Variants in C10orf143 observed in about 807,000 individuals in gnomAD.
C10orf143 encodes the protein uncharacterized protein C10orf143.
At chr10:130,054,337 C>A (rs1860772747) in intron 3 of C10orf143, among the ~76,000 whole-genome samples, 1 of 152,158 alleles carries the variant, frequency 6.6e-6, no homozygotes, top group East Asian at 1.9e-4. Context: ...TCCATGTTGT[C>A]ACATAGGACA....
chr10:130,107,736 T>C lies in C10orf143; in HGVS notation c.69+2968A>G, dbSNP rs1861680928. The C allele has an allele frequency of 8.1e-6, 10 of 1,240,828 alleles. No individual in the cohort carries two copies. In the East Asian group the frequency reaches 2.4e-4, roughly 29 times the overall value. 76.9% of individuals were successfully genotyped at this position (1,240,828 alleles called of 1,614,324 possible). On this transcript the variant is annotated intron_variant, in intron 1 of 3. Coordinates refer to ENST00000637128, the MANE Select transcript of C10orf143 (RefSeq NM_001355042.2). ...GGCTCAAGAGGCCCAGGGAATCCTC[T>C]GGACCATCAGATTACCAAGGAAAGA...
At chr10:130,077,955 A>T (rs1410092274) in intron 3 of C10orf143, among the ~76,000 whole-genome samples, 2 of 152,240 alleles carry the variant, frequency 1.3e-5, no homozygotes, top group African/African-American at 2.4e-5. Context: ...ATTGAGAATA[A>T]CTACAAATAA....
At chr10:130,055,344 C>T (rs1004152060) in intron 3 of C10orf143, among the ~76,000 whole-genome samples, 11 of 152,114 alleles carry the variant, frequency 7.2e-5, no homozygotes, top group Non-Finnish European at 1.6e-4. Flanking sequence ...AAAATATTTG[C>T]AAACCACATA....
intron 1 of C10orf143, chr10:130,106,404 C>T (rs1311115820): frequency 1.9e-6 from 3 of 1,602,642 alleles, no homozygotes; most frequent in South Asian, 1.1e-5. Context: ...TTTGAGAAGG[C>T]GGCAGCAGAA....
rs181841939 is a variant in C10orf143 at position 130,049,773 on chromosome 10, G to A, written c.298-13803C>T. 2.3e-3 allele frequency among the ~76,000 whole-genome samples: 343 copies of A among 152,318 alleles called. 2 individuals carry two copies. Among genetic ancestry groups the A allele is most frequent in the African/African-American group, 8.1e-3 (336 of 41,570 alleles). On this transcript the variant is annotated intron_variant and NMD_transcript_variant, in intron 3 of 5. Coordinates refer to the C10orf143 transcript ENST00000643056. ...CTGAGGGAGACCATTCCACCGGCAG[G>A]ACTGAGTCTGGGTTTTTAGAATTGG...
chr10:130,044,533 G>T (rs775450717), intron 3 of C10orf143, among the ~76,000 whole-genome samples: 2 of 152,206 alleles, frequency 1.3e-5, no homozygotes, highest in African/African-American at 2.4e-5. Context: ...GAGGAAGGGG[G>T]TTTCATTGAG....
At chr10:130,053,293 T>C (rs1860757204) in intron 3 of C10orf143, among the ~76,000 whole-genome samples, 1 of 152,220 alleles carries the variant, frequency 6.6e-6, no homozygotes, top group Non-Finnish European at 1.5e-5. Context: ...TCTCCTGATA[T>C]ATCACATGAC....
At position 130,041,968 on chromosome 10, in the gene C10orf143, C is replaced by T. The variant is rs187712279; in HGVS notation, c.298-5998G>A. Among the ~76,000 whole-genome samples the T allele has an allele frequency of 1.1e-4, 17 of 152,308 alleles. No homozygotes were observed. In the East Asian group the frequency reaches 3.3e-3, roughly 29 times the overall value. On this transcript the variant is annotated intron_variant and NMD_transcript_variant, in intron 3 of 5. Coordinates refer to the C10orf143 transcript ENST00000643056. ...AACCACATATGTACATGCCCATGCACACCCTAAGCACACATTCACATGCAC... is the reference window on the plus strand; with the variant it reads ...AACCACATATGTACATGCCCATGCATACCCTAAGCACACATTCACATGCAC...
chr10:130,069,616 AT>A (rs34094262), intron 3 of C10orf143, among the ~76,000 whole-genome samples: 95,586 of 151,276 alleles, frequency 0.63, 30,531 homozygotes, highest in Admixed American at 0.72. Flanking sequence ...TTTCTGGAAA[AT>A]TTTTTTTTTA....
rs947324715 is a variant in C10orf143 at position 130,065,020 on chromosome 10, A to T, written c.298-637T>A. The T allele has an allele frequency of 5.9e-5, 9 of 152,354 alleles. No individual in the cohort carries two copies. Among genetic ancestry groups the T allele is most frequent in the African/African-American group, 1.9e-4 (8 of 41,492 alleles). The allele number at this position is 152,354 out of a possible 1,614,324, so 9.4% of individuals were successfully genotyped here. A position where few individuals can be genotyped will look rare whatever the true frequency, so the allele number is the denominator to read the frequency against. On this transcript the variant is annotated intron_variant, in intron 3 of 3. Transcript: ENST00000637128. This position sits in a 1 kb window ranked among gnomAD's most constrained non-coding sequence, Gnocchi z 4.2. ...ATAGCAGCGTGGCACTCTGGCCCACAGGCAGAGACAGGCACAGCCTCCCTG... is the reference window on the plus strand; with the variant it reads ...ATAGCAGCGTGGCACTCTGGCCCACTGGCAGAGACAGGCACAGCCTCCCTG...
At chr10:130,099,832 TA>T (rs1861519010) in intron 1 of C10orf143, among the ~76,000 whole-genome samples, 1 of 143,794 alleles carries the variant, frequency 7.0e-6, no homozygotes, top group Non-Finnish European at 1.5e-5. Flanking sequence ...AAATTTTTTT[TA>T]TTTTTTCTTT....
At chr10:130,072,605 C>T (rs1051109756) in intron 3 of C10orf143, among the ~76,000 whole-genome samples, 1 of 151,766 alleles carries the variant, frequency 6.6e-6, no homozygotes, top group Non-Finnish European at 1.5e-5. Context: ...AATTTTTTTT[C>T]AAACTGTCTT....
At chr10:130,043,897 GC>G (rs915605912) in intron 3 of C10orf143, among the ~76,000 whole-genome samples, 6 of 152,220 alleles carry the variant, frequency 3.9e-5, no homozygotes, top group African/African-American at 1.4e-4. Flanking sequence ...ATGATGGGAG[GC>G]TTTTTAGTTT....
intron 3 of C10orf143, among the ~76,000 whole-genome samples, chr10:130,050,720 C>T (rs1387318659): frequency 6.6e-6 from 1 of 152,206 alleles, no homozygotes; most frequent in African/African-American, 2.4e-5. Context: ...CATGCATTCT[C>T]TCTCAGATGC....
downstream of C10orf143, among the ~76,000 whole-genome samples, chr10:130,061,489 A>T (rs1197521320): frequency 6.6e-6 from 1 of 152,242 alleles, no homozygotes; most frequent in Non-Finnish European, 1.5e-5. Flanking sequence ...AAACCATTAC[A>T]AACTTACTTT....
intron 3 of C10orf143, among the ~76,000 whole-genome samples, chr10:130,070,635 A>G (rs932553937): frequency 6.6e-6 from 1 of 152,206 alleles, no homozygotes; most frequent in African/African-American, 2.4e-5. Context: ...CTCAGTAGAA[A>G]TAACGCCCTT....
At chr10:130,084,079 G>C (rs1021032193) in intron 1 of C10orf143, among the ~76,000 whole-genome samples, 1 of 152,172 alleles carries the variant, frequency 6.6e-6, no homozygotes, top group Non-Finnish European at 1.5e-5. Flanking sequence ...GGGAGGCCAA[G>C]GTGGGCAGAT....
At chr10:130,087,203 G>A (rs147911164) in intron 1 of C10orf143, among the ~76,000 whole-genome samples, 111 of 152,342 alleles carry the variant, frequency 7.3e-4, no homozygotes, top group African/African-American at 2.6e-3. Flanking sequence ...CAGTTGTCAT[G>A]GATGGGCCTG....
chr10:130,084,928 C>T (rs989811069), intron 1 of C10orf143, among the ~76,000 whole-genome samples: 10 of 152,120 alleles, frequency 6.6e-5, no homozygotes, highest in African/African-American at 2.4e-4. Flanking sequence ...ACCTGAAGGA[C>T]TTCCTGTTGG....
Sources: gnomAD v4.1 joint callset for allele counts (sites outside exome capture counted in the v4.1 genomes callset) on GRCh38, gnomAD v4.1.1 for gene constraint, Gnocchi (gnomAD v3.1) non-coding constraint, MANE v1.5 for transcripts, NCBI Gene and HGNC (gene_info 2026-07-23, HGNC 2026-07-21) for gene names.